Variants in NPR3 observed in about 807,000 individuals in gnomAD.
NPR3 encodes the protein natriuretic peptide receptor 3.
NPR3 carries 34 observed loss-of-function variants against 54.5 expected under a neutral mutation model. That is an observed-to-expected ratio of 0.62 (90% confidence interval 0.47 to 0.83). The LOEUF (loss-of-function observed/expected upper bound fraction) is 0.83, where lower values mean the gene tolerates loss of function less well. Ranked by LOEUF, NPR3 falls within the 40% of genes least tolerant of loss-of-function variation. The pLI, the probability that NPR3 is intolerant of heterozygous loss-of-function variation, is 0.00. For synonymous variants in NPR3, 289 were observed against 297.1 expected (o/e 0.97, Z 0.28); for missense variants, 674 against 720.8 (o/e 0.94, Z 0.74).
chr5:32,694,563 T>C (rs818128), intron 1 of NPR3, among the ~76,000 whole-genome samples: 3,047 of 152,336 alleles, frequency 0.02, 50 homozygotes, highest in African/African-American at 0.046. Context: ...TAATTTTTAA[T>C]TTTTGTAGGT....
Position 32,744,618 on chromosome 5 carries a change from A to G in NPR3, c.1059+5588A>G, listed in dbSNP as rs897732559. Reference sequence around the variant, plus strand: ...ACTTGGTAAGCATTCATCGGATGGTAGCTATCATTTCTCTTACTTTTGTTT... The same window carrying G: ...ACTTGGTAAGCATTCATCGGATGGTGGCTATCATTTCTCTTACTTTTGTTT... On this transcript the variant is annotated intron_variant, in intron 3 of 7. Transcript: ENST00000265074. 9.9e-5 allele frequency among the ~76,000 whole-genome samples: 15 copies of G among 152,172 alleles called. 1 individual carries two copies. The highest frequency in any genetic ancestry group is 3.6e-4 in the African/African-American group (15 of 41,430).
At chr5:32,785,404 A>C (rs544287261) in intron 7 of NPR3, among the ~76,000 whole-genome samples, 1 of 151,704 alleles carries the variant, frequency 6.6e-6, no homozygotes, top group South Asian at 2.1e-4. Context: ...ATCTACCTCG[A>C]CCTCCCAAAG....
rs988207214 is a variant in NPR3 at position 32,713,389 on chromosome 5, G to T, written c.769+844G>T. ...TGAGGATGGTGGCTATGGCTTCGGGGAGCGGGGGGACGCGGACGTGTAATC... is the reference window on the plus strand; with the variant it reads ...TGAGGATGGTGGCTATGGCTTCGGGTAGCGGGGGGACGCGGACGTGTAATC... On this transcript the variant is annotated intron_variant, in intron 1 of 7. Coordinates refer to ENST00000265074, the MANE Select transcript of NPR3 (RefSeq NM_001204375.2). The T allele has an allele frequency of 3.0e-6, 3 of 985,466 alleles. No homozygotes were observed. In the Admixed American group the frequency reaches 1.8e-4, roughly 60 times the overall value. 61.0% of individuals were successfully genotyped at this position (985,466 alleles called of 1,614,324 possible). A position where few individuals can be genotyped will look rare whatever the true frequency, so the allele number is the denominator to read the frequency against.
chr5:32,745,085 TAGTATATTGCAGGC>T (rs1411673374), intron 3 of NPR3, among the ~76,000 whole-genome samples: 2 of 152,198 alleles, frequency 1.3e-5, no homozygotes, highest in African/African-American at 2.4e-5. Flanking sequence ...CAAATGTAAC[TAGTATATTGCAGGC>T]AGTACAGTGA....
chr5:32,694,343 A>G (rs1740472543), intron 1 of NPR3, among the ~76,000 whole-genome samples: 2 of 152,238 alleles, frequency 1.3e-5, no homozygotes. Flanking sequence ...AATATTGTCT[A>G]GAGTTTTAGA....
intron 1 of NPR3, among the ~76,000 whole-genome samples, chr5:32,714,971 G>A (rs986915305): frequency 2.0e-5 from 3 of 152,150 alleles, no homozygotes; most frequent in Non-Finnish European, 4.4e-5. Context: ...AAACTGTGAG[G>A]GTTACAGAAG....
At chr5:32,766,039 T>A (rs3792754) in intron 3 of NPR3, among the ~76,000 whole-genome samples, 21,182 of 152,114 alleles carry the variant, frequency 0.14, 1,599 homozygotes, top group South Asian at 0.21. Flanking sequence ...GCCCCTGGCA[T>A]CCCACCTTTA....
At chr5:32,722,071 A>G (rs1738893680) in intron 1 of NPR3, among the ~76,000 whole-genome samples, 1 of 152,210 alleles carries the variant, frequency 6.6e-6, no homozygotes, top group African/African-American at 2.4e-5. Flanking sequence ...TTTTCAACAC[A>G]TGAAATCTGG....
At chr5:32,722,473 A>T (rs1325621648) in intron 1 of NPR3, among the ~76,000 whole-genome samples, 3 of 152,194 alleles carry the variant, frequency 2.0e-5, no homozygotes, top group Non-Finnish European at 4.4e-5. Context: ...GATTACCTAT[A>T]CATATCTGAG....
At chr5:32,709,369 G>A (rs775822138), upstream of NPR3, 16 of 151,752 alleles carry the variant, frequency 1.1e-4, no homozygotes, top group Non-Finnish European at 1.8e-4. Flanking sequence ...AAGACCCTTG[G>A]AATTCATGAT....
At chr5:32,716,368 CT>C (rs34628434) in intron 1 of NPR3, 11,825 of 380,110 alleles carry the variant, frequency 0.031, no homozygotes, top group South Asian at 0.071. Context: ...TAACATGCTA[CT>C]TTTTTTTTTT....
chr5:32,748,635 A>G (rs114546064), intron 3 of NPR3, among the ~76,000 whole-genome samples: 1,750 of 152,252 alleles, frequency 0.011, 36 homozygotes, highest in African/African-American at 0.04. Context: ...TTCTTGGCTG[A>G]ACCAACTAGA....
At chr5:32,758,926 C>G (rs1336176291) in intron 3 of NPR3, among the ~76,000 whole-genome samples, 1 of 152,160 alleles carries the variant, frequency 6.6e-6, no homozygotes, top group Non-Finnish European at 1.5e-5. Flanking sequence ...GAGTGAGTTT[C>G]TTAATCCTGA....
chr5:32,786,007 G>C (rs552901717), intron 7 of NPR3, among the ~76,000 whole-genome samples: 1 of 152,330 alleles, frequency 6.6e-6, no homozygotes, highest in East Asian at 1.9e-4. Context: ...AGGGAAGAAG[G>C]GGAAGGCTTG....
At chr5:32,692,073 C>T (rs1277441851) in intron 1 of NPR3, among the ~76,000 whole-genome samples, 1 of 151,960 alleles carries the variant, frequency 6.6e-6, no homozygotes, top group Non-Finnish European at 1.5e-5. Context: ...AAGAGAGCAA[C>T]GAAGGGGCAA....
At chr5:32,734,935 TTCTCTGTTAGCTCC>T (rs1321796879) in intron 2 of NPR3, among the ~76,000 whole-genome samples, 1 of 152,168 alleles carries the variant, frequency 6.6e-6, no homozygotes, top group Non-Finnish European at 1.5e-5. Flanking sequence ...ATTCTTCTGG[TTCTCTGTTAGCTCC>T]TCTCTGTTTC....
intron 7 of NPR3, among the ~76,000 whole-genome samples, chr5:32,785,326 T>A (rs1394467796): frequency 1.3e-5 from 2 of 151,960 alleles, no homozygotes; most frequent in Non-Finnish European, 2.9e-5. Context: ...ATTTTTTGTA[T>A]GTTTATTAGA....
At chr5:32,720,252 A>T (rs1385708619) in intron 1 of NPR3, among the ~76,000 whole-genome samples, 1 of 152,222 alleles carries the variant, frequency 6.6e-6, no homozygotes, top group Non-Finnish European at 1.5e-5. Context: ...TTTAGGCTCA[A>T]CAATCAGACA....
chr5:32,781,749 C>T (rs975627364), intron 5 of NPR3, among the ~76,000 whole-genome samples: 3 of 152,120 alleles, frequency 2.0e-5, no homozygotes, highest in African/African-American at 7.2e-5. Flanking sequence ...TCTGGTTCCC[C>T]CTGGGAAAGG....
Sources: gnomAD v4.1 joint callset for allele counts (sites outside exome capture counted in the v4.1 genomes callset) on GRCh38, gnomAD v4.1.1 for gene constraint, MANE v1.5 for transcripts, NCBI Gene and HGNC (gene_info 2026-07-23, HGNC 2026-07-21) for gene names.